The following PCBD2 variants were observed in gnomAD, a reference collection of about 807,000 sequenced individuals.
The protein encoded by PCBD2 is pterin-4 alpha-carbinolamine dehydratase 2, also known as pterin-4-alpha-carbinolamine dehydratase 2.
Under a neutral mutation model 16.4 loss-of-function variants are expected in PCBD2, and 12 were observed. The ratio of observed to expected loss-of-function variants is 0.73; its 90% confidence interval spans 0.47 to 1.19. The LOEUF is 1.19. PCBD2 is among the 50% of genes most tolerant of loss of function. PCBD2 has a pLI of 0.00. For missense variants in PCBD2, 138 were observed against 156.8 expected (o/e 0.88, Z 0.64); for synonymous variants, 58 against 61.8 (o/e 0.94, Z 0.29).
At chr5:134,928,112 G>C (rs1001646073) in intron 2 of PCBD2, 7 of 392,872 alleles carry the variant, frequency 1.8e-5, no homozygotes, top group Non-Finnish European at 2.7e-5. Context: ...TAGGCCTACT[G>C]CTGCCTTGCA....
intron 2 of PCBD2, among the ~76,000 whole-genome samples, chr5:134,949,101 C>T (rs1269668448): frequency 6.6e-6 from 1 of 152,094 alleles, no homozygotes; most frequent in Non-Finnish European, 1.5e-5. Flanking sequence ...AGGGAATGGT[C>T]CTCAAGCAGG....
intron 1 of PCBD2, among the ~76,000 whole-genome samples, chr5:134,907,094 C>T (rs144691398): frequency 6.6e-6 from 1 of 152,346 alleles, no homozygotes; most frequent in East Asian, 1.9e-4. Flanking sequence ...GAAAACAGCT[C>T]AGTGTGTTCT....
chr5:134,909,359 A>G (rs930702477), intron 1 of PCBD2, among the ~76,000 whole-genome samples: 3 of 152,258 alleles, frequency 2.0e-5, no homozygotes, highest in Non-Finnish European at 4.4e-5. Flanking sequence ...GAAGTTAGAT[A>G]AAATCCTATG....
chr5:134,946,760 G>A (rs1751300282), intron 2 of PCBD2, among the ~76,000 whole-genome samples: 2 of 152,044 alleles, frequency 1.3e-5, no homozygotes, highest in Non-Finnish European at 2.9e-5. Context: ...TTTTTGAGTC[G>A]CTGTGGCTGC....
intron 2 of PCBD2, among the ~76,000 whole-genome samples, chr5:134,947,070 A>G (rs1045682229): frequency 1.3e-5 from 2 of 151,870 alleles, no homozygotes; most frequent in Non-Finnish European, 2.9e-5. Flanking sequence ...GTAGACTGTC[A>G]TTTTGCATGC....
intron 1 of PCBD2, 26 bp downstream of exon 1, chr5:134,905,249 G>GGGGGTCC: frequency 8.2e-7 from 1 of 1,223,086 alleles, no homozygotes; most frequent in Non-Finnish European, 1.0e-6. Flanking sequence ...CCGCGTGGGT[G>GGGGGTCC]GGGGTCCGGG....
At chr5:134,943,286 G>A (rs1338298656) in intron 2 of PCBD2, among the ~76,000 whole-genome samples, 6 of 152,180 alleles carry the variant, frequency 3.9e-5, no homozygotes, top group Admixed American at 3.3e-4. Context: ...GGAGCAGTGT[G>A]ATCTGATTTT....
intron 1 of PCBD2, 158 bp downstream of exon 1, chr5:134,905,381 C>T: frequency 3.7e-6 from 2 of 541,672 alleles, no homozygotes; most frequent in Non-Finnish European, 2.7e-6. Context: ...GACTGACCAC[C>T]TGTCCGGTGC....
At chr5:134,956,455 C>T (rs760215374) in intron 2 of PCBD2, among the ~76,000 whole-genome samples, 8 of 152,220 alleles carry the variant, frequency 5.3e-5, no homozygotes, top group South Asian at 2.1e-4. Flanking sequence ...TTCTGTGTTC[C>T]GATCATCCAC....
At chr5:134,943,939 A>C (rs565596108) in intron 2 of PCBD2, among the ~76,000 whole-genome samples, 1 of 152,220 alleles carries the variant, frequency 6.6e-6, no homozygotes, top group Non-Finnish European at 1.5e-5. Flanking sequence ...GGCAAGACCT[A>C]CTAGAACAGT....
chr5:134,917,618 T>C (rs1253136970), intron 2 of PCBD2, among the ~76,000 whole-genome samples: 1 of 152,222 alleles, frequency 6.6e-6, no homozygotes, highest in Non-Finnish European at 1.5e-5. Flanking sequence ...CTGGTTGATA[T>C]TCAGGGCAAA....
chr5:134,955,987 T>C (rs1751410893), intron 2 of PCBD2, among the ~76,000 whole-genome samples: 2 of 152,260 alleles, frequency 1.3e-5, no homozygotes, highest in African/African-American at 4.8e-5. Context: ...TTCAGTCATC[T>C]AAATTCCTTG....
intron 1 of PCBD2, among the ~76,000 whole-genome samples, chr5:134,909,252 G>A (rs1336613677): frequency 1.3e-5 from 2 of 152,230 alleles, no homozygotes; most frequent in South Asian, 2.1e-4. Context: ...TATGGAGAGA[G>A]TTTGTCTGAC....
chr5:134,917,405 C>T (rs1750846327), intron 2 of PCBD2, among the ~76,000 whole-genome samples: 1 of 152,142 alleles, frequency 6.6e-6, no homozygotes, highest in African/African-American at 2.4e-5. Context: ...AACAGGTAAG[C>T]GGCAGTGGCT....
At position 134,913,003 on chromosome 5, in the gene PCBD2, TTC is replaced by T. The variant is rs776676801; in HGVS notation, c.216+2541_216+2542del. ...TTTCCAATCGCAACTACTTTTATTT[TTC>T]TCTGTTCTCTTCTGGTCTTTCTCCA... On this transcript the variant is annotated intron_variant, in intron 2 of 3. Transcript: ENST00000254908. 2.2e-4 allele frequency among the ~76,000 whole-genome samples: 33 copies of T among 152,340 alleles called. No homozygotes were observed. The South Asian group carries it at 2.5e-3, about 11-fold the overall frequency.
At chr5:134,959,631 T>C (rs1482292088) in intron 3 of PCBD2, among the ~76,000 whole-genome samples, 1 of 152,092 alleles carries the variant, frequency 6.6e-6, no homozygotes, top group Non-Finnish European at 1.5e-5. Context: ...GTCCTTGCCT[T>C]TATGGTCATG....
chr5:134,945,152 C>G (rs941989171), intron 2 of PCBD2, among the ~76,000 whole-genome samples: 3 of 152,182 alleles, frequency 2.0e-5, no homozygotes, highest in African/African-American at 7.2e-5. Flanking sequence ...GGAAGAATTT[C>G]CCTGTAGCAG....
intron 2 of PCBD2, among the ~76,000 whole-genome samples, chr5:134,958,439 G>T (rs1038093862): frequency 2.0e-5 from 3 of 152,192 alleles, no homozygotes; most frequent in Admixed American, 6.5e-5. Flanking sequence ...AAATGGCAGT[G>T]CAGGGCAGTA....
chr5:134,923,432 G>C (rs904758543), intron 2 of PCBD2: 1 of 223,512 alleles, frequency 4.5e-6, no homozygotes, highest in Non-Finnish European at 8.7e-6. Flanking sequence ...CTAGGGGGTT[G>C]TTTGATCCTG....
Sources: allele counts gnomAD v4.1 joint callset (sites outside exome capture counted in the v4.1 genomes callset), GRCh38; gene constraint gnomAD v4.1.1; transcripts MANE v1.5; gene names NCBI Gene and HGNC (gene_info 2026-07-23, HGNC 2026-07-21).